The following MYOM1 variants were observed in gnomAD, a reference collection of about 807,000 sequenced individuals.
MYOM1 encodes the protein myomesin 1, also known as myomesin-1.
A neutral mutation model predicts 205.3 loss-of-function variants in MYOM1; 164 were observed. The ratio of observed to expected loss-of-function variants is 0.80; its 90% CI spans 0.70 to 0.91. The LOEUF is 0.91. MYOM1 is among the 40% of genes least tolerant of loss of function. The pLI is 0.00. For synonymous variants in MYOM1, 772 were observed against 789.4 expected (o/e 0.98, Z 0.37); for missense variants, 2,011 against 2,127.3 (o/e 0.95, Z 1.08).
At chr18:3,108,443 T>G (rs1023927839) in intron 22 of MYOM1, among the ~76,000 whole-genome samples, 15 of 152,240 alleles carry the variant, frequency 9.9e-5, no homozygotes, top group Non-Finnish European at 1.6e-4. Flanking sequence ...CAAAAAATTC[T>G]ATTGCAATTT....
At chr18:3,178,285 G>T (rs1489912367) in intron 5 of MYOM1, among the ~76,000 whole-genome samples, 2 of 152,196 alleles carry the variant, frequency 1.3e-5, no homozygotes, top group African/African-American at 4.8e-5. Context: ...GTATGAGATA[G>T]TGCTGTTTTT....
chr18:3,119,834 G>C (rs779836226), intron 20 of MYOM1, 35 bp downstream of exon 20: 5 of 1,567,862 alleles, frequency 3.2e-6, no homozygotes, highest in Non-Finnish European at 3.5e-6. Context: ...AGGAAATTCC[G>C]AGGTGCGGTG....
At chr18:3,134,602 T>C (rs746311627) in intron 16 of MYOM1, 48 bp downstream of exon 16, 1 of 1,551,552 alleles carries the variant, frequency 6.4e-7, no homozygotes, top group South Asian at 1.2e-5. Flanking sequence ...TATGTGTCTA[T>C]GGCAGCTCCA....
chr18:3,089,126 T>C, intron 29 of MYOM1, 48 bp downstream of exon 29: 1 of 1,187,392 alleles, frequency 8.4e-7, no homozygotes. Context: ...CTCTACATTC[T>C]ATTTTATTTC....
intron 2 of MYOM1, among the ~76,000 whole-genome samples, chr18:3,210,386 G>A (rs2081177532): frequency 6.6e-6 from 1 of 152,188 alleles, no homozygotes; most frequent in Non-Finnish European, 1.5e-5. Flanking sequence ...AGTGGGGGTG[G>A]TTGATCAATG....
intron 28 of MYOM1, 83 bp downstream of exon 28, chr18:3,089,454 T>C: frequency 9.4e-7 from 1 of 1,069,262 alleles, no homozygotes; most frequent in Non-Finnish European, 1.3e-6. Context: ...ATAATATTCA[T>C]TTTAATTTGT....
Position 3,168,956 on chromosome 18 carries a change from T to G in MYOM1, c.1200A>C (p.Ala400=), listed in dbSNP as rs2080512401. 3.1e-6 allele frequency: 5 copies of G among 1,613,152 alleles called. No individual in the cohort carries two copies. Among genetic ancestry groups the G allele is most frequent in the Non-Finnish European group, 4.2e-6 (5 of 1,179,574 alleles). ...CATCAAAGTGGATCTCAAACCGGGA[T>G]GCATAACCATATGGGGTCACACCAA... ...LSFGVTPYGY[A]SRFEIHFDDK... Residue 400 remains alanine, a synonymous_variant, in exon 9 of 38, where the codon GCA becomes GCC. Transcript: ENST00000356443.
At chr18:3,197,793 A>C (rs898441800) in intron 2 of MYOM1, among the ~76,000 whole-genome samples, 8 of 152,086 alleles carry the variant, frequency 5.3e-5, no homozygotes, top group African/African-American at 1.9e-4. Context: ...GAATGGCGTG[A>C]ACCTGGGAGG....
chr18:3,072,350 C>CTTTTTTTTTTTTTTTTCTTTTTTTTTT (rs2078968844), intron 36 of MYOM1, among the ~76,000 whole-genome samples: 1 of 56,226 alleles, frequency 1.8e-5, no homozygotes, highest in African/African-American at 9.3e-5. Context: ...CCGCACCCGG[C>CTTTTTTTTTTTTTTTTCTTTTTTTTTT]TTTTTTTTTT....
intron 12 of MYOM1, 96 bp from the exon 13 acceptor site, chr18:3,149,297 C>T (rs2080182815): frequency 2.0e-6 from 2 of 1,003,916 alleles, no homozygotes. Context: ...TTAGTCACAA[C>T]TGGGTTTGTT....
intron 5 of MYOM1, among the ~76,000 whole-genome samples, chr18:3,184,997 A>T (rs555738098): frequency 2.0e-5 from 3 of 152,360 alleles, no homozygotes; most frequent in South Asian, 4.1e-4. Context: ...TAGCTCTGTT[A>T]GTGAGGATCA....
At chr18:3,110,976 G>T (rs1353212319) in intron 22 of MYOM1, among the ~76,000 whole-genome samples, 1 of 142,814 alleles carries the variant, frequency 7.0e-6, no homozygotes. Context: ...TTTTGGGATG[G>T]AGTCTCTCAC....
At chr18:3,129,671 T>C in intron 17 of MYOM1, 152 bp from the exon 18 acceptor site, 2 of 702,530 alleles carry the variant, frequency 2.8e-6, no homozygotes, top group South Asian at 2.7e-5. Context: ...GCAAGAAATA[T>C]GGAAAGACTA....
In MYOM1 at chr18:3,174,166, C is replaced by G. The variant is rs575938219; in HGVS notation, c.1065G>C (p.Met355Ile). ...EDTAQYRASAMNVKGELSAYA... is the reference protein window; with the variant it reads ...EDTAQYRASAINVKGELSAYA... ...ATGCCGAAAGCTCTCCTTTAACATT[C>G]ATCGCCGAGGCCCGGTACTGAGCTG... is the stretch of plus-strand genomic sequence containing the variant. Residue 355 changes from methionine to isoleucine, a missense_variant, in exon 7 of 38, where the codon ATG becomes ATC. Transcript: ENST00000356443. 4 of 1,614,032 alleles carry G rather than the reference C, an allele frequency of 2.5e-6. No homozygotes were observed. In the East Asian group the frequency reaches 8.9e-5, roughly 36 times the overall value.
chr18:3,125,879 C>T (rs2079773028), intron 19 of MYOM1, among the ~76,000 whole-genome samples: 1 of 152,064 alleles, frequency 6.6e-6, no homozygotes, highest in Non-Finnish European at 1.5e-5. Context: ...CCTTTGTGGC[C>T]ATCAAGCGAC....
rs765782587 is a variant in MYOM1 at position 3,067,430 on chromosome 18, G to A, written c.4890C>T (p.Tyr1630=). Residue 1630 remains tyrosine, a synonymous_variant, in exon 38 of 38, where the codon TAC becomes TAT. Coordinates refer to ENST00000356443, the MANE Select transcript of MYOM1 (RefSeq NM_003803.4). The part of the protein sequence containing the change: ...NLKFEAGRTA[Y]FTINGVSTAD... The stretch of plus-strand genomic sequence containing the variant: ...CGGTGCTCACGCCGTTGATGGTGAA[G>A]TACGCGGTCCTCCCAGCCTCGAACT... The A allele has an allele frequency of 6.2e-7, 1 of 1,613,716 alleles. No individual in the cohort carries two copies.
intron 22 of MYOM1, among the ~76,000 whole-genome samples, chr18:3,107,086 C>T (rs2079460852): frequency 6.6e-6 from 1 of 152,106 alleles, no homozygotes; most frequent in African/African-American, 2.4e-5. Context: ...CAAATAAAAA[C>T]TATTAAAACT....
intron 18 of MYOM1, among the ~76,000 whole-genome samples, chr18:3,128,548 A>T (rs2079827916): frequency 6.6e-6 from 1 of 152,196 alleles, no homozygotes; most frequent in South Asian, 2.1e-4. Context: ...GCTATATGTG[A>T]TTATAATTTT....
intron 10 of MYOM1, among the ~76,000 whole-genome samples, chr18:3,158,734 C>T (rs1338960650): frequency 1.3e-5 from 2 of 152,082 alleles, no homozygotes; most frequent in African/African-American, 4.8e-5. Flanking sequence ...CCTCTTCAGC[C>T]TCCCAAGTAG....
Sources: allele counts gnomAD v4.1 joint callset (sites outside exome capture counted in the v4.1 genomes callset), GRCh38; gene constraint gnomAD v4.1.1; transcripts MANE v1.5; gene names NCBI Gene and HGNC (gene_info 2026-07-23, HGNC 2026-07-21).